PGCKA1: variants seen among roughly 807,000 people sequenced by gnomAD.
The protein encoded by PGCKA1 is PDCD10 and GCKIII kinases associated 1, also known as PDCD10 and GCKIII kinases-associated protein 1.
the PGCKA1 span, among the ~76,000 whole-genome samples, chr4:37,586,231 A>C: frequency 1.3e-5 from 2 of 152,188 alleles, no homozygotes; most frequent in South Asian, 2.1e-4. Context: ...TCCTGAGCCC[A>C]CCCTCATAAC....
At chr4:37,590,091 T>C in the PGCKA1 span, 1 of 1,608,378 alleles carries the variant, frequency 6.2e-7, no homozygotes, top group South Asian at 1.1e-5. Context: ...CCTGAAGCTA[T>C]CTCTTTGATC....
the PGCKA1 span, among the ~76,000 whole-genome samples, chr4:37,572,063 C>CTTTTTTTTTTTTTTTTTTTTT: frequency 2.2e-5 from 2 of 89,972 alleles, no homozygotes; most frequent in Non-Finnish European, 4.1e-5. Flanking sequence ...TTTTTTTTTT[C>CTTTTTTTTTTTTTTTTTTTTT]TTTTTTTTTT....
the PGCKA1 span, among the ~76,000 whole-genome samples, chr4:37,482,315 C>T: frequency 2.6e-3 from 391 of 152,222 alleles, no homozygotes; most frequent in African/African-American, 9.2e-3. Flanking sequence ...GGTCAAAATG[C>T]TGTTAATGAT....
the PGCKA1 span, among the ~76,000 whole-genome samples, chr4:37,582,443 A>C: frequency 1.3e-5 from 2 of 152,234 alleles, no homozygotes; most frequent in South Asian, 2.1e-4. Flanking sequence ...CCTAATCTAC[A>C]GACCTTATTC....
chr4:37,588,739 TGA>T, the PGCKA1 span: 5 of 772,714 alleles, frequency 6.5e-6, no homozygotes, highest in Admixed American at 2.2e-5. Flanking sequence ...CCAAAATGTG[TGA>T]CTCTCTTAAT....
the PGCKA1 span, among the ~76,000 whole-genome samples, chr4:37,472,200 C>T: frequency 3.9e-5 from 6 of 152,210 alleles, no homozygotes; most frequent in Non-Finnish European, 7.4e-5. Flanking sequence ...CTGCCCTACC[C>T]ATGTCCACAA....
the PGCKA1 span, among the ~76,000 whole-genome samples, chr4:37,475,347 T>A: frequency 6.6e-6 from 1 of 152,146 alleles, no homozygotes; most frequent in East Asian, 1.9e-4. Flanking sequence ...GTGGTAAAAC[T>A]GGAACTGCTA....
At chr4:37,498,071 T>C in the PGCKA1 span, among the ~76,000 whole-genome samples, 1 of 152,246 alleles carries the variant, frequency 6.6e-6, no homozygotes, top group East Asian at 1.9e-4. Flanking sequence ...TCATCCATCT[T>C]GAGTTGATTT....
At chr4:37,509,400 C>T in the PGCKA1 span, among the ~76,000 whole-genome samples, 5 of 134,348 alleles carry the variant, frequency 3.7e-5, no homozygotes, top group East Asian at 2.1e-4. Flanking sequence ...ACATCCCAGA[C>T]GGGGCGGCAG....
At chr4:37,537,129 T>G in the PGCKA1 span, among the ~76,000 whole-genome samples, 1 of 152,262 alleles carries the variant, frequency 6.6e-6, no homozygotes, top group Non-Finnish European at 1.5e-5. Context: ...AGATTGTTCT[T>G]AAGGCTCATA....
chr4:37,557,750 C>G, the PGCKA1 span, among the ~76,000 whole-genome samples: 1 of 152,128 alleles, frequency 6.6e-6, no homozygotes, highest in Non-Finnish European at 1.5e-5. Flanking sequence ...ATATGATGTT[C>G]CATTTAAATC....
the PGCKA1 span, among the ~76,000 whole-genome samples, chr4:37,548,605 C>G: frequency 6.6e-6 from 1 of 151,954 alleles, no homozygotes; most frequent in East Asian, 1.9e-4. Flanking sequence ...ATAAATATGT[C>G]TACAAGGTTT....
the PGCKA1 span, among the ~76,000 whole-genome samples, chr4:37,567,597 T>C: frequency 0.16 from 25,032 of 152,206 alleles, 2,356 homozygotes; most frequent in Non-Finnish European, 0.23. Flanking sequence ...TGGTGTGGTG[T>C]GATCAATCTT....
the PGCKA1 span, among the ~76,000 whole-genome samples, chr4:37,498,338 G>C: frequency 6.6e-6 from 1 of 152,162 alleles, no homozygotes; most frequent in African/African-American, 2.4e-5. Flanking sequence ...CAAGTAGTGT[G>C]ATGCCTCCAG....
chr4:37,586,824 C>A, the PGCKA1 span, among the ~76,000 whole-genome samples: 1 of 152,168 alleles, frequency 6.6e-6, no homozygotes, highest in Non-Finnish European at 1.5e-5. Context: ...GCAGGAGAAT[C>A]ACTTGAACCA....
chr4:37,543,845 A>G, the PGCKA1 span, among the ~76,000 whole-genome samples: 117 of 151,326 alleles, frequency 7.7e-4, no homozygotes, highest in African/African-American at 2.5e-3. Flanking sequence ...AAAAAAAAAA[A>G]GAAGGCTGCT....
chr4:37,519,591 A>C, the PGCKA1 span, among the ~76,000 whole-genome samples: 1 of 152,172 alleles, frequency 6.6e-6, no homozygotes, highest in Non-Finnish European at 1.5e-5. Flanking sequence ...TGAAAATGCT[A>C]CTAATTTTTG....
At chr4:37,472,374 A>G in the PGCKA1 span, among the ~76,000 whole-genome samples, 3 of 152,300 alleles carry the variant, frequency 2.0e-5, no homozygotes, top group Non-Finnish European at 2.9e-5. Context: ...TCCTGAATCT[A>G]TCAACTCTAA....
the PGCKA1 span, chr4:37,460,520 A>G: frequency 2.2e-6 from 1 of 450,640 alleles, no homozygotes; most frequent in Non-Finnish European, 4.4e-6. Context: ...ACTTTTTAAT[A>G]ATCACCATTC....
Sources: allele counts gnomAD v4.1 joint callset (sites outside exome capture counted in the v4.1 genomes callset), GRCh38; gene constraint gnomAD v4.1.1; transcripts MANE v1.5; gene names NCBI Gene and HGNC (gene_info 2026-07-23, HGNC 2026-07-21).